INPP4B: variants seen among roughly 807,000 people sequenced by gnomAD.
The protein encoded by INPP4B is inositol polyphosphate 4-phosphatase type II.
Under a neutral mutation model 122.5 loss-of-function variants are expected in INPP4B, and 55 were observed. The ratio of observed to expected loss-of-function variants is 0.45; its 90% confidence interval spans 0.36 to 0.56. The LOEUF is 0.56. INPP4B is among the 20% of genes least tolerant of loss of function. INPP4B has a pLI of 0.00. For missense variants in INPP4B, 1,000 were observed against 1,097.7 expected, an observed-to-expected ratio of 0.91 and a Z score of 1.26; for synonymous variants, 403 against 388.7, an observed-to-expected ratio of 1.04 and a Z score of -0.43.
intron 2 of INPP4B, among the ~76,000 whole-genome samples, chr4:142,477,640 C>T (rs1819962463): frequency 6.6e-6 from 1 of 152,046 alleles, no homozygotes; most frequent in Admixed American, 6.6e-5. Flanking sequence ...TCAGAGAATA[C>T]TATGAAAAAC....
intron 1 of INPP4B, among the ~76,000 whole-genome samples, chr4:142,788,484 C>T (rs1418425116): frequency 6.6e-6 from 1 of 151,860 alleles, no homozygotes; most frequent in Non-Finnish European, 1.5e-5. Context: ...TTTCTATTTC[C>T]ATAGGTTATT....
At chr4:142,793,217 A>T (rs1222723298) in intron 1 of INPP4B, among the ~76,000 whole-genome samples, 1 of 152,134 alleles carries the variant, frequency 6.6e-6, no homozygotes, top group African/African-American at 2.4e-5. Flanking sequence ...CGTGAAGAAG[A>T]TAAATTACCC....
intron 1 of INPP4B, among the ~76,000 whole-genome samples, chr4:142,726,285 G>A (rs1186101405): frequency 3.3e-5 from 5 of 152,176 alleles, no homozygotes; most frequent in Non-Finnish European, 7.3e-5. Flanking sequence ...GACTGAAATG[G>A]AATTTAAAAT....
At chr4:142,594,285 T>C (rs763494717) in intron 2 of INPP4B, among the ~76,000 whole-genome samples, 1 of 152,198 alleles carries the variant, frequency 6.6e-6, no homozygotes, top group Non-Finnish European at 1.5e-5. Flanking sequence ...GAAATGTGTT[T>C]ACTGAGGCAA....
intron 2 of INPP4B, chr4:142,560,432 G>A (rs1320879656): frequency 6.6e-6 from 1 of 152,194 alleles, no homozygotes; most frequent in Non-Finnish European, 1.5e-5. Context: ...ATATGAAGGG[G>A]AGTTTATTAG....
chr4:142,160,998 A>C (rs1819831552), intron 16 of INPP4B, among the ~76,000 whole-genome samples: 1 of 152,042 alleles, frequency 6.6e-6, no homozygotes. Flanking sequence ...CCAGCCTAAT[A>C]TGTTTTAAAC....
rs140941326 is a variant in INPP4B at position 142,749,476 on chromosome 4, G to A, written c.-253-23575C>T. Among the ~76,000 whole-genome samples, 542 of 150,412 alleles carry A rather than the reference G, an allele frequency of 3.6e-3. 2 individuals carry two copies. Among genetic ancestry groups the A allele is most frequent in the Middle Eastern group, 0.014 (4 of 292 alleles). On this transcript the variant is annotated intron_variant, in intron 1 of 25. Transcript: ENST00000262992. ...TGGATACGAAGGATGAATCAAAAGA[G>A]TAAACCAATTAAAAGAAGTAAAAGA...
chr4:142,463,806 G>T (rs968040516), intron 2 of INPP4B, among the ~76,000 whole-genome samples: 4 of 152,068 alleles, frequency 2.6e-5, no homozygotes, highest in African/African-American at 7.2e-5. Flanking sequence ...TGTGAAGAAG[G>T]ACATGTTTGC....
intron 9 of INPP4B, among the ~76,000 whole-genome samples, chr4:142,303,090 T>G (rs1420160817): frequency 1.3e-5 from 2 of 152,140 alleles, no homozygotes; most frequent in South Asian, 2.1e-4. Context: ...ATAAATTAGA[T>G]GCACATGTCT....
intron 2 of INPP4B, among the ~76,000 whole-genome samples, chr4:142,660,073 C>A (rs186676649): frequency 1.1e-3 from 168 of 152,302 alleles, no homozygotes; most frequent in Non-Finnish European, 4.3e-4. Flanking sequence ...TGGATAAAGA[C>A]CACGTTAATA....
At position 142,294,829 on chromosome 4, in the gene INPP4B, C is replaced by CAAAAAAAAAAAA. The variant is rs57430432; in HGVS notation, c.503+10617_503+10628dup. 1.7e-3 allele frequency among the ~76,000 whole-genome samples: 48 copies of CAAAAAAAAAAAA among 28,472 alleles called. 7 individuals are homozygous for CAAAAAAAAAAAA. The highest frequency in any genetic ancestry group is 4.1e-3 in the African/African-American group (34 of 8,248). 18.7% of individuals were successfully genotyped at this position (28,472 alleles called of 152,430 possible). ...CGGGCGACAGAGCGAGACTCCGTCT[C>CAAAAAAAAAAAA]AAAAAAAAAAAAAAAAAAAAAAAAA... On this transcript the variant is annotated intron_variant, in intron 9 of 25. Coordinates refer to ENST00000262992, the MANE Select transcript of INPP4B (RefSeq NM_001101669.3).
At chr4:142,054,914 G>T (rs1756770527) in intron 25 of INPP4B, among the ~76,000 whole-genome samples, 1 of 151,992 alleles carries the variant, frequency 6.6e-6, no homozygotes, top group African/African-American at 2.4e-5. Context: ...GTTCCACTCA[G>T]CTTGCATGGC....
intron 25 of INPP4B, among the ~76,000 whole-genome samples, chr4:142,061,967 TAAA>T (rs1201314792): frequency 2.0e-5 from 3 of 148,506 alleles, no homozygotes; most frequent in African/African-American, 7.7e-5. Flanking sequence ...CCAAAGCAAG[TAAA>T]AGTAATATGA....
At chr4:142,397,937 T>C (rs1427822678) in intron 7 of INPP4B, among the ~76,000 whole-genome samples, 2 of 152,256 alleles carry the variant, frequency 1.3e-5, no homozygotes, top group Admixed American at 6.5e-5. Flanking sequence ...AGAGAAATCC[T>C]ATGGACAATA....
intron 15 of INPP4B, among the ~76,000 whole-genome samples, chr4:142,176,234 C>G (rs926313283): frequency 6.6e-6 from 1 of 150,818 alleles, no homozygotes; most frequent in Non-Finnish European, 1.5e-5. Flanking sequence ...GTGTGCTGCA[C>G]CCATTAAGTC....
chr4:142,727,639 G>A (rs1765503312), intron 1 of INPP4B, among the ~76,000 whole-genome samples: 1 of 152,174 alleles, frequency 6.6e-6, no homozygotes, highest in African/African-American at 2.4e-5. Flanking sequence ...CCAGCACTTT[G>A]GAAGGCCAAG....
chr4:142,498,516 T>C (rs111589089), intron 2 of INPP4B, among the ~76,000 whole-genome samples: 1,726 of 152,112 alleles, frequency 0.011, 31 homozygotes, highest in African/African-American at 0.04. Flanking sequence ...AGGCCAGGTG[T>C]GGTGGCTCAC....
At chr4:142,731,463 T>C (rs1388959441) in intron 1 of INPP4B, among the ~76,000 whole-genome samples, 12 of 152,274 alleles carry the variant, frequency 7.9e-5, no homozygotes, top group African/African-American at 2.9e-4. Flanking sequence ...TCTGGATCCA[T>C]ATAGCAAGAC....
intron 2 of INPP4B, among the ~76,000 whole-genome samples, chr4:142,693,098 C>G (rs969897433): frequency 6.6e-6 from 1 of 151,838 alleles, no homozygotes; most frequent in East Asian, 1.9e-4. Context: ...ATCCCCAAAG[C>G]TGTAAATGGA....
Sources: gnomAD v4.1 joint callset for allele counts (sites outside exome capture counted in the v4.1 genomes callset) on GRCh38, gnomAD v4.1.1 for gene constraint, MANE v1.5 for transcripts, NCBI Gene and HGNC (gene_info 2026-07-23, HGNC 2026-07-21) for gene names.